The following LARP4B variants were observed in gnomAD, a reference collection of about 807,000 sequenced individuals.
LARP4B encodes the protein La ribonucleoprotein 4B.
A neutral mutation model predicts 89.8 loss-of-function variants in LARP4B; 12 were observed. The ratio of observed to expected loss-of-function variants is 0.13; its 90% CI spans 0.09 to 0.22. LARP4B has a LOEUF of 0.22. Among genes scored for constraint, LARP4B ranks in the 10% least tolerant of loss-of-function variants. The pLI, the probability that LARP4B is intolerant of heterozygous loss-of-function variation, is 1.00. For missense variants in LARP4B, 757 were observed against 947.7 expected, an observed-to-expected ratio of 0.80 and a Z score of 2.64; for synonymous variants, 367 against 363.3, an observed-to-expected ratio of 1.01 and a Z score of -0.12.
intron 17 of LARP4B, 152 bp from the exon 18 acceptor site, chr10:813,365 T>C: frequency 1.3e-6 from 1 of 765,234 alleles, no homozygotes; most frequent in Non-Finnish European, 2.0e-6. Flanking sequence ...TCATAAAATC[T>C]AATGATTTAG....
chr10:984,311 G>T, the LARP4B span, among the ~76,000 whole-genome samples: 2 of 152,072 alleles, frequency 1.3e-5, no homozygotes, highest in African/African-American at 4.8e-5. Context: ...AGAATCATTT[G>T]GAAATTGATC....
chr10:877,961 C>T (rs567604279), intron 3 of LARP4B, among the ~76,000 whole-genome samples: 2 of 152,182 alleles, frequency 1.3e-5, no homozygotes, highest in African/African-American at 4.8e-5. Context: ...AGTGAGGAGA[C>T]GGATGCGGAT....
chr10:973,020 G>A, the LARP4B span: 1 of 383,386 alleles, frequency 2.6e-6, no homozygotes, highest in Non-Finnish European at 5.2e-6. Flanking sequence ...GAGGCAAGGA[G>A]GCTAATGGGA....
the LARP4B span, among the ~76,000 whole-genome samples, chr10:963,030 T>C: frequency 2.0e-5 from 3 of 152,182 alleles, no homozygotes; most frequent in Non-Finnish European, 2.9e-5. Context: ...CTCTCCACTC[T>C]AAGCTTGCAC....
At chr10:823,092 G>A (rs1456541117) in intron 13 of LARP4B, among the ~76,000 whole-genome samples, 1 of 152,222 alleles carries the variant, frequency 6.6e-6, no homozygotes, top group East Asian at 1.9e-4. Flanking sequence ...CAGAGGGAAG[G>A]AGGAGGTTAC....
the LARP4B span, among the ~76,000 whole-genome samples, chr10:941,544 A>T: frequency 4.0e-5 from 6 of 149,988 alleles, no homozygotes; most frequent in African/African-American, 1.5e-4. Context: ...CTAGTCTTGA[A>T]CTCCTAACCT....
chr10:918,896 G>A (rs1335342565), intron 1 of LARP4B, among the ~76,000 whole-genome samples: 1 of 151,790 alleles, frequency 6.6e-6, no homozygotes, highest in Non-Finnish European at 1.5e-5. Context: ...CTAACACGGT[G>A]AAACCCCATC....
the LARP4B span, among the ~76,000 whole-genome samples, chr10:962,182 G>C: frequency 6.6e-6 from 1 of 151,434 alleles, no homozygotes; most frequent in Non-Finnish European, 1.5e-5. Flanking sequence ...TGTAATTCCA[G>C]CTATTTGGGA....
the LARP4B span, among the ~76,000 whole-genome samples, chr10:941,070 C>T: frequency 2.0e-5 from 3 of 151,996 alleles, no homozygotes; most frequent in African/African-American, 4.8e-5. Flanking sequence ...GAGGGTGGAC[C>T]GATAGGGTGG....
At chr10:936,177 C>T (rs1830746393), upstream of LARP4B, among the ~76,000 whole-genome samples, 1 of 152,106 alleles carries the variant, frequency 6.6e-6, no homozygotes, top group Admixed American at 6.6e-5. Context: ...AGTACCTACG[C>T]GGTCTCAGGG....
chr10:818,042 A>G (rs2131607161), intron 14 of LARP4B, 153 bp from the exon 15 acceptor site: 2 of 683,784 alleles, frequency 2.9e-6, no homozygotes, highest in East Asian at 5.5e-5. Flanking sequence ...TCTCCCAAGC[A>G]ACTTCAACCA....
chr10:907,639 T>C (rs953056566), intron 1 of LARP4B, among the ~76,000 whole-genome samples: 2 of 152,184 alleles, frequency 1.3e-5, no homozygotes, highest in South Asian at 2.1e-4. Flanking sequence ...GTGAAATATA[T>C]ATATTTGGTT....
the LARP4B span, among the ~76,000 whole-genome samples, chr10:982,238 C>G: frequency 1.3e-5 from 2 of 151,208 alleles, no homozygotes; most frequent in Admixed American, 1.3e-4. Flanking sequence ...CCTACAGGTG[C>G]GTGTAACTAT....
chr10:882,744 A>G (rs564140450), intron 3 of LARP4B, among the ~76,000 whole-genome samples: 1 of 152,364 alleles, frequency 6.6e-6, no homozygotes, highest in East Asian at 1.9e-4. Context: ...ACAACTAAAT[A>G]GTACCAGTGG....
the LARP4B span, among the ~76,000 whole-genome samples, chr10:956,206 G>A: frequency 2.6e-5 from 4 of 152,280 alleles, no homozygotes; most frequent in South Asian, 2.1e-4. The surrounding 1 kb of genome is among the most constrained non-coding windows in gnomAD (Gnocchi z 4.3). Flanking sequence ...ACAGCTGAGC[G>A]TGACGGCAGC....
intron 13 of LARP4B, among the ~76,000 whole-genome samples, chr10:823,341 T>C (rs534260963): frequency 3.9e-5 from 6 of 152,032 alleles, no homozygotes; most frequent in Admixed American, 6.5e-5. Context: ...AGGGTCTCCA[T>C]TGGTGCAAGA....
chr10:864,312 A>T, intron 3 of LARP4B, 42 bp from the exon 4 acceptor site: 1 of 1,606,874 alleles, frequency 6.2e-7, no homozygotes. Flanking sequence ...CCAAATGTCA[A>T]CCAAATACAA....
chr10:883,091 G>A (rs1360740124), intron 3 of LARP4B, among the ~76,000 whole-genome samples: 1 of 152,192 alleles, frequency 6.6e-6, no homozygotes, highest in Non-Finnish European at 1.5e-5. Context: ...AGTCAACCAC[G>A]GAGAGAACAG....
the LARP4B span, among the ~76,000 whole-genome samples, chr10:967,501 C>T: frequency 6.6e-6 from 1 of 152,166 alleles, no homozygotes; most frequent in Admixed American, 6.5e-5. Context: ...AATAAAGATA[C>T]ATTTTTGGTT....
Sources: allele counts gnomAD v4.1 joint callset (sites outside exome capture counted in the v4.1 genomes callset), GRCh38; gene constraint gnomAD v4.1.1; non-coding constraint Gnocchi (gnomAD v3.1); transcripts MANE v1.5; gene names NCBI Gene and HGNC (gene_info 2026-07-23, HGNC 2026-07-21).